Variants in LARGE1 observed in about 807,000 individuals in gnomAD.
LARGE1 encodes the protein LARGE xylosyl- and glucuronyltransferase 1.
A neutral mutation model predicts 87.6 loss-of-function variants in LARGE1; 43 were observed. The ratio of observed to expected loss-of-function variants is 0.49; its 90% CI spans 0.38 to 0.63. The LOEUF (loss-of-function observed/expected upper bound fraction) is 0.63. LARGE1 is among the 30% of genes least tolerant of loss of function. The pLI is 0.00. For missense variants in LARGE1, 802 were observed against 1,000.2 expected (o/e 0.80, Z 2.67); for synonymous variants, 434 against 394.6 (o/e 1.10, Z -1.18).
Position 33,714,031 on chromosome 22 carries a change from C to CATAAT in LARGE1, c.106+47339_106+47340insATTAT, listed in dbSNP as rs1189068227. ...CATAACATAACATAACATAACATAA[C>CATAAT]ATAAAACAAAATGAGTACCCAGTGG... On this transcript the variant is annotated intron_variant, in intron 2 of 14. Transcript: ENST00000397394. Among the ~76,000 whole-genome samples the CATAAT allele has an allele frequency of 6.2e-3, 910 of 147,366 alleles. 4 individuals are homozygous for CATAAT. The highest frequency in any genetic ancestry group is 7.9e-3 in the Non-Finnish European group (523 of 66,534).
At chr22:33,723,721 C>G (rs1040643284) in intron 2 of LARGE1, 2 of 151,642 alleles carry the variant, frequency 1.3e-5, no homozygotes, top group African/African-American at 4.9e-5. Flanking sequence ...TTCTGAGCCC[C>G]CCTTTTTTCC....
intron 1 of LARGE1, among the ~76,000 whole-genome samples, chr22:33,808,637 T>C (rs900438640): frequency 6.6e-6 from 1 of 152,330 alleles, no homozygotes; most frequent in East Asian, 1.9e-4. Flanking sequence ...GCCCTGACAA[T>C]GCTCACCACC....
chr22:33,657,529 T>C (rs1249146370), intron 2 of LARGE1, among the ~76,000 whole-genome samples: 2 of 152,150 alleles, frequency 1.3e-5, no homozygotes, highest in African/African-American at 2.4e-5. Context: ...AAAGCGGCCA[T>C]AGAAATACAT....
the LARGE1 span, among the ~76,000 whole-genome samples, chr22:33,103,654 C>T: frequency 3.3e-4 from 50 of 152,042 alleles, no homozygotes; most frequent in African/African-American, 1.2e-3. Flanking sequence ...GTAAGAGAAA[C>T]CCCTGATAAG....
intron 2 of LARGE1, among the ~76,000 whole-genome samples, chr22:33,740,937 G>A (rs2149515669): frequency 6.6e-6 from 1 of 152,362 alleles, no homozygotes; most frequent in South Asian, 2.1e-4. Context: ...GGGCCTGAGA[G>A]TTTGAGAAAT....
chr22:33,719,437 C>T lies in LARGE1; in HGVS notation c.106+41934G>A, dbSNP rs147292532. Among the ~76,000 whole-genome samples, 86 of 152,274 alleles carry T rather than the reference C, an allele frequency of 5.6e-4. No homozygotes were observed. The Middle Eastern group carries it at 0.014, about 24-fold the overall frequency. ...TCACTGACTCACCCAGAGAAAGAAA[C>T]TTCCAGTTCTACAGGCTCCATTCAT... On this transcript the variant is annotated intron_variant, in intron 2 of 14. Coordinates refer to ENST00000397394, the MANE Select transcript of LARGE1 (RefSeq NM_133642.5).
intron 1 of LARGE1, among the ~76,000 whole-genome samples, chr22:33,800,287 C>T (rs985790971): frequency 6.6e-6 from 1 of 152,050 alleles, no homozygotes; most frequent in African/African-American, 2.4e-5. Context: ...TCCTGTGTAC[C>T]CTTCATCCAG....
the LARGE1 span, among the ~76,000 whole-genome samples, chr22:33,067,823 A>C: frequency 6.6e-6 from 1 of 152,148 alleles, no homozygotes; most frequent in Admixed American, 6.5e-5. Flanking sequence ...TACTAAAAAT[A>C]CAAAAAATTA....
chr22:33,709,072 G>A (rs1439772854), intron 2 of LARGE1, among the ~76,000 whole-genome samples: 1 of 152,118 alleles, frequency 6.6e-6, no homozygotes, highest in Non-Finnish European at 1.5e-5. Context: ...AATCACCTCT[G>A]TAAAGACCCC....
chr22:33,179,705 G>T (rs927959732), intron 11 of LARGE1, among the ~76,000 whole-genome samples: 2 of 151,990 alleles, frequency 1.3e-5, no homozygotes, highest in African/African-American at 2.4e-5. Context: ...TTATTTGCTG[G>T]GTTTCTATTT....
intron 6 of LARGE1, among the ~76,000 whole-genome samples, chr22:33,486,062 G>A (rs1186874213): frequency 2.6e-5 from 4 of 152,198 alleles, no homozygotes; most frequent in African/African-American, 9.7e-5. Context: ...CCTTGCAGAT[G>A]TGCTCCCTGG....
chr22:33,283,777 A>G (rs1201272047), intron 12 of LARGE1, among the ~76,000 whole-genome samples: 1 of 151,792 alleles, frequency 6.6e-6, no homozygotes, highest in African/African-American at 2.4e-5. Context: ...ATTCTGTCAA[A>G]AAAAAGGTGG....
chr22:33,677,535 C>A (rs1274586306), intron 2 of LARGE1, among the ~76,000 whole-genome samples: 1 of 152,106 alleles, frequency 6.6e-6, no homozygotes, highest in African/African-American at 2.4e-5. Context: ...CTGTTTATCT[C>A]CTCTCTCCTT....
chr22:33,830,018 T>C (rs1224735816), intron 1 of LARGE1, among the ~76,000 whole-genome samples: 1 of 152,142 alleles, frequency 6.6e-6, no homozygotes, highest in African/African-American at 2.4e-5. Context: ...GGCAAGATAA[T>C]GTCTGTGGGA....
At chr22:33,580,144 G>A (rs1398676047) in intron 5 of LARGE1, among the ~76,000 whole-genome samples, 6 of 152,082 alleles carry the variant, frequency 3.9e-5, no homozygotes, top group African/African-American at 7.2e-5. Flanking sequence ...GCCAAGGGGG[G>A]CAGATCACCT....
At chr22:33,153,629 A>G in the LARGE1 span, among the ~76,000 whole-genome samples, 1 of 152,278 alleles carries the variant, frequency 6.6e-6, no homozygotes, top group South Asian at 2.1e-4. Context: ...TCTTTCTGCA[A>G]CTTAAATTAA....
chr22:33,101,441 C>T, the LARGE1 span, among the ~76,000 whole-genome samples: 4,018 of 152,238 alleles, frequency 0.026, 66 homozygotes, highest in African/African-American at 0.048. Flanking sequence ...TTAGCTATTA[C>T]ATTTATTAAT....
intron 9 of LARGE1, among the ~76,000 whole-genome samples, chr22:33,338,690 G>A (rs1481731041): frequency 6.6e-6 from 1 of 152,156 alleles, no homozygotes; most frequent in Non-Finnish European, 1.5e-5. Flanking sequence ...CATGGTAAGT[G>A]CTCAGTAGAT....
At chr22:33,133,913 C>G in the LARGE1 span, among the ~76,000 whole-genome samples, 34 of 152,090 alleles carry the variant, frequency 2.2e-4, no homozygotes, top group African/African-American at 8.2e-4. Context: ...TCACTTTAAG[C>G]CTTCAATATA....
Sources: allele counts gnomAD v4.1 joint callset (sites outside exome capture counted in the v4.1 genomes callset), GRCh38; gene constraint gnomAD v4.1.1; transcripts MANE v1.5; gene names NCBI Gene and HGNC (gene_info 2026-07-23, HGNC 2026-07-21).